The following ATIC variants were observed in gnomAD, a reference collection of about 807,000 sequenced individuals.
ATIC encodes 5-aminoimidazole-4-carboxamide ribonucleotide formyltransferase/IMP cyclohydrolase, also known as bifunctional purine biosynthesis protein ATIC.
A neutral mutation model predicts 72.5 loss-of-function variants in ATIC; 64 were observed. That is an observed-to-expected ratio of 0.88 (90% confidence interval 0.72 to 1.09). The LOEUF (loss-of-function observed/expected upper bound fraction) is 1.09. Among genes scored for constraint, ATIC ranks in the 50% least tolerant of loss-of-function variants. The probability of loss-of-function intolerance (pLI) is 0.00; values close to 1 mark genes in which losing one functional copy is unlikely to be tolerated. For missense variants in ATIC, 787 were observed against 732.4 expected, an observed-to-expected ratio of 1.07 and a Z score of -0.86; for synonymous variants, 281 against 267.1, an observed-to-expected ratio of 1.05 and a Z score of -0.51.
the ATIC span, among the ~76,000 whole-genome samples, chr2:215,365,252 T>G: frequency 6.6e-6 from 1 of 152,206 alleles, no homozygotes; most frequent in Non-Finnish European, 1.5e-5. Flanking sequence ...AAAGCTTCTT[T>G]GTAGCATTTT....
intron 2 of ATIC, among the ~76,000 whole-genome samples, chr2:215,314,389 A>G (rs2052687132): frequency 6.6e-6 from 1 of 152,216 alleles, no homozygotes; most frequent in African/African-American, 2.4e-5. Context: ...AGTCCTTATA[A>G]CAACTTTTTA....
At chr2:215,318,984 A>AAGCG (rs1559266919) in intron 3 of ATIC, among the ~76,000 whole-genome samples, 2 of 151,554 alleles carry the variant, frequency 1.3e-5, no homozygotes, top group African/African-American at 4.9e-5. Context: ...AGGCTCAAGC[A>AAGCG]GTTCTCCCAC....
chr2:215,338,752 C>CT (rs2052984256), intron 11 of ATIC, 27 bp from the exon 12 acceptor site: 1 of 1,609,862 alleles, frequency 6.2e-7, no homozygotes, highest in South Asian at 1.1e-5. Context: ...GAGAGATTAA[C>CT]TTTAACTTTT....
chr2:215,367,324 G>T, the ATIC span, among the ~76,000 whole-genome samples: 3 of 152,166 alleles, frequency 2.0e-5, no homozygotes, highest in East Asian at 1.9e-4. Context: ...GATTTTTAAT[G>T]ATCTAAAAGC....
chr2:215,319,534 C>A, intron 3 of ATIC, 131 bp from the exon 4 acceptor site: 1 of 700,204 alleles, frequency 1.4e-6, no homozygotes, highest in Non-Finnish European at 2.5e-6. Flanking sequence ...TAGAGTGAGA[C>A]CATCTCAAAA....
chr2:215,354,343 T>A (rs2053151708), downstream of ATIC, among the ~76,000 whole-genome samples: 1 of 152,150 alleles, frequency 6.6e-6, no homozygotes, highest in East Asian at 1.9e-4. Context: ...AAACTAATTT[T>A]TTCCTGGGTA....
In ATIC at chr2:215,320,605, G is replaced by A. The variant is rs183986718; in HGVS notation, c.290+874G>A. 1.1e-4 allele frequency among the ~76,000 whole-genome samples: 17 copies of A among 151,966 alleles called. No individual in the cohort carries two copies. In the East Asian group the frequency reaches 1.6e-3, roughly 14 times the overall value. On this transcript the variant is annotated intron_variant, in intron 4 of 15. Transcript: ENST00000236959. ...TTAATTTAATTTTATTTTGAGACAG[G>A]GTCTCGCTCTGTTGCTCAGGTTGGA...
At chr2:215,343,808 T>C (rs1265048831) in intron 12 of ATIC, among the ~76,000 whole-genome samples, 1 of 152,250 alleles carries the variant, frequency 6.6e-6, no homozygotes, top group African/African-American at 2.4e-5. Context: ...TATCAACTTA[T>C]CTGTTGGCTG....
At chr2:215,344,755 T>C (rs762632135) in intron 12 of ATIC, 24 bp from the exon 13 acceptor site, 2 of 1,606,146 alleles carry the variant, frequency 1.2e-6, no homozygotes, top group Non-Finnish European at 1.7e-6. Context: ...CCCCATGCAA[T>C]TTACCATTGT....
In ATIC at chr2:215,318,159, A is replaced by G. The variant is rs575560797; in HGVS notation, c.149A>G (p.Asp50Gly). ...ALRDAGLAVR[D>G]VSELTGFPEM... Reference sequence around the variant, plus strand: ...CATTCTGTTTATCTGTTTTTCAGAGATGTCTCTGAGTTGACGGGATTTCCT... The same window carrying G: ...CATTCTGTTTATCTGTTTTTCAGAGGTGTCTCTGAGTTGACGGGATTTCCT... Residue 50 changes from aspartate to glycine, a missense_variant and splice_region_variant, in exon 3 of 16, where the codon GAT (aspartate) becomes GGT (glycine). Transcript: ENST00000236959. 11 of 1,613,938 alleles carry G rather than the reference A, an allele frequency of 6.8e-6. No homozygotes were observed. The highest frequency in any genetic ancestry group is 1.3e-5 in the African/African-American group (1 of 75,050).
chr2:215,361,539 G>A, the ATIC span: 1 of 1,568,884 alleles, frequency 6.4e-7, no homozygotes, highest in East Asian at 2.2e-5. Context: ...TTGTTCCTCT[G>A]GATTGGAAAG....
rs780337532 is a variant in ATIC at position 215,312,497 on chromosome 2, G to C, written c.20-1G>C. 12 of 1,614,086 alleles carry C rather than the reference G, an allele frequency of 7.4e-6. No homozygotes were observed. Among genetic ancestry groups the C allele is most frequent in the African/African-American group, 1.3e-5 (1 of 74,926 alleles). ...ATGAGAAAAAATGTCTTCTCTTTCA[G>C]CCTTATTTAGTGTCTCTGACAAAAC... On this transcript the variant is annotated splice_acceptor_variant, in intron 1 of 15. Coordinates refer to ENST00000236959, the MANE Select transcript of ATIC (RefSeq NM_004044.7). LOFTEE classifies it high-confidence loss of function.
At chr2:215,363,285 C>T in the ATIC span, 1 of 152,196 alleles carries the variant, frequency 6.6e-6, no homozygotes, top group Admixed American at 6.5e-5. Context: ...CCAAAATCAA[C>T]TTCCCAGCAA....
intron 12 of ATIC, among the ~76,000 whole-genome samples, chr2:215,343,400 G>C (rs2053040433): frequency 6.6e-6 from 1 of 152,084 alleles, no homozygotes; most frequent in South Asian, 2.1e-4. Context: ...GCAGTGGCAT[G>C]ATCTTGTCTC....
chr2:215,332,131 CGTGTGTGTGTGTGTGTGTGT>C (rs71044585), intron 7 of ATIC, among the ~76,000 whole-genome samples: 56 of 142,252 alleles, frequency 3.9e-4, no homozygotes, highest in Admixed American at 6.3e-4. Flanking sequence ...GTCCTCCAGT[CGTGTGTGTGTGTGTGTGTGT>C]GTGTGTGTGT....
At chr2:215,337,626 C>T (rs2052970913) in intron 11 of ATIC, among the ~76,000 whole-genome samples, 1 of 152,208 alleles carries the variant, frequency 6.6e-6, no homozygotes, top group Non-Finnish European at 1.5e-5. Context: ...CTCGGCCTCC[C>T]AAAGTGTTGG....
At position 215,349,145 on chromosome 2, in the gene ATIC, C is replaced by T; in HGVS notation, c.1555C>T (p.Leu519Phe). 3 of 1,613,996 alleles carry T rather than the reference C, an allele frequency of 1.9e-6. No homozygotes were observed. Among genetic ancestry groups the T allele is most frequent in the Non-Finnish European group, 2.5e-6 (3 of 1,179,962 alleles). The change falls in exon 15 of 16, where the codon CTC becomes TTC. Residue 519 changes from leucine to phenylalanine, a missense_variant. Physicochemically the swap from Leu to Phe is conservative, Grantham distance 22 (BLOSUM62 0). Transcript: ENST00000236959. ...KALFEEVPEL[L>F]TEAEKKEWVE... ...ACTGTTTGAGGAAGTCCCTGAGTTA[C>T]TCACTGAGGCAGAGAAGAAGGAATG...
At chr2:215,328,650 C>T (rs2052856165) in intron 7 of ATIC, among the ~76,000 whole-genome samples, 1 of 152,164 alleles carries the variant, frequency 6.6e-6, no homozygotes, top group African/African-American at 2.4e-5. Context: ...ATCCCATCAC[C>T]CTGTTTTGCT....
the ATIC span, chr2:215,367,649 C>T: frequency 5.0e-6 from 3 of 600,112 alleles, no homozygotes; most frequent in Non-Finnish European, 6.0e-6. Context: ...GTTGTATTGG[C>T]ATACAACCCT....
Sources: allele counts gnomAD v4.1 joint callset (sites outside exome capture counted in the v4.1 genomes callset), GRCh38; gene constraint gnomAD v4.1.1; transcripts MANE v1.5; gene names NCBI Gene and HGNC (gene_info 2026-07-23, HGNC 2026-07-21).